PTK2B: variants seen among roughly 807,000 people sequenced by gnomAD.
PTK2B encodes protein-tyrosine kinase 2-beta.
A neutral mutation model predicts 142.9 loss-of-function variants in PTK2B; 71 were observed. The observed-to-expected ratio is 0.50, with a 90% CI of 0.41 to 0.61. The LOEUF (loss-of-function observed/expected upper bound fraction) is 0.61. Among genes scored for constraint, PTK2B ranks in the 20% least tolerant of loss-of-function variants. The pLI is 0.00. For missense variants in PTK2B, 1,105 were observed against 1,320.4 expected, an observed-to-expected ratio of 0.84 and a Z score of 2.53; for synonymous variants, 519 against 503.4, an observed-to-expected ratio of 1.03 and a Z score of -0.42.
chr8:27,430,478 G>GA, intron 7 of PTK2B, 60 bp downstream of exon 7: 1 of 1,600,982 alleles, frequency 6.2e-7, no homozygotes, highest in Non-Finnish European at 8.6e-7. Context: ...GAGTGTAAGG[G>GA]ATGAGGCTGG....
chr8:27,434,642 G>C, intron 13 of PTK2B, 83 bp downstream of exon 13: 1 of 1,433,314 alleles, frequency 7.0e-7, no homozygotes, highest in Non-Finnish European at 9.5e-7. Context: ...TGACATTGCC[G>C]AGGGTTTCCT....
chr8:27,396,759 T>C (rs1276914121), intron 1 of PTK2B, among the ~76,000 whole-genome samples: 1 of 152,234 alleles, frequency 6.6e-6, no homozygotes, highest in Non-Finnish European at 1.5e-5. Context: ...CAAGGTGAAC[T>C]ACAGATTCCT....
intron 1 of PTK2B, chr8:27,312,189 T>G (rs1333587673): frequency 6.6e-6 from 1 of 152,224 alleles, no homozygotes; most frequent in Non-Finnish European, 1.5e-5. Context: ...AGAATACTTT[T>G]CACACGATGC....
chr8:27,423,926 G>A (rs921567112), intron 5 of PTK2B, among the ~76,000 whole-genome samples: 1 of 152,158 alleles, frequency 6.6e-6, no homozygotes, highest in African/African-American at 2.4e-5. Flanking sequence ...TGTGGTCCCT[G>A]CAGCTGCTTA....
chr8:27,374,842 A>G (rs1806572957), intron 1 of PTK2B, among the ~76,000 whole-genome samples: 1 of 152,224 alleles, frequency 6.6e-6, no homozygotes, highest in East Asian at 1.9e-4. Flanking sequence ...CATGCCCTTG[A>G]GAGCTGAGGG....
In PTK2B at chr8:27,454,290, A is replaced by G. The variant is rs751228984; in HGVS notation, c.2732A>G (p.Lys911Arg). 8 of 1,612,750 alleles carry G rather than the reference A, an allele frequency of 5.0e-6. No individual in the cohort carries two copies. The highest frequency in any genetic ancestry group is 6.8e-6 in the Non-Finnish European group (8 of 1,179,720). Reference protein sequence around the residue: ...LPPEGYVVVVKNVGLTLRKLI... With the variant: ...LPPEGYVVVVRNVGLTLRKLI... ...CCCGAGGGCTACGTGGTGGTGGTGA[A>G]GGTGAGAGCAGGGCTGGGTTGGGGA... The change falls in exon 29 of 31, where the codon AAG (lysine) becomes AGG (arginine). Residue 911 changes from lysine to arginine, a missense_variant and splice_region_variant. Physicochemically the swap from Lys to Arg is conservative, Grantham distance 26. Coordinates refer to ENST00000346049, the MANE Select transcript of PTK2B (RefSeq NM_173176.3).
chr8:27,398,086 G>T (rs760581095), intron 2 of PTK2B, among the ~76,000 whole-genome samples: 6 of 152,258 alleles, frequency 3.9e-5, no homozygotes, highest in Non-Finnish European at 8.8e-5. Context: ...GATACTTGAA[G>T]CTCTGCAAGG....
chr8:27,323,379 T>C (rs961305987), upstream of PTK2B: 3 of 152,244 alleles, frequency 2.0e-5, no homozygotes, highest in Non-Finnish European at 4.4e-5. Context: ...GAAAGGACAT[T>C]TGTTCAAAGG....
At chr8:27,379,128 T>G (rs549866702) in intron 1 of PTK2B, among the ~76,000 whole-genome samples, 1 of 152,298 alleles carries the variant, frequency 6.6e-6, no homozygotes, top group African/African-American at 2.4e-5. Flanking sequence ...TTCTCATTCT[T>G]TTCAGGCTTA....
chr8:27,433,969 G>A, intron 11 of PTK2B, 124 bp from the exon 12 acceptor site: 1 of 1,300,208 alleles, frequency 7.7e-7, no homozygotes, highest in East Asian at 2.3e-5. Context: ...CCCAGGCTAG[G>A]AGAGAATGGA....
intron 1 of PTK2B, among the ~76,000 whole-genome samples, chr8:27,367,957 A>G (rs1349761974): frequency 6.6e-6 from 1 of 152,220 alleles, no homozygotes; most frequent in Non-Finnish European, 1.5e-5. Flanking sequence ...ACAAACATCT[A>G]AACCGTATCA....
intron 23 of PTK2B, 97 bp from the exon 24 acceptor site, chr8:27,445,697 C>G (rs536179888): frequency 6.5e-7 from 1 of 1,542,174 alleles, no homozygotes; most frequent in Non-Finnish European, 8.9e-7. Context: ...CCCTGTGGTG[C>G]TCATGCATAG....
intron 1 of PTK2B, among the ~76,000 whole-genome samples, chr8:27,382,613 T>A (rs1041107255): frequency 1.3e-5 from 2 of 152,150 alleles, no homozygotes; most frequent in Non-Finnish European, 2.9e-5. Context: ...GTTTTTGAAG[T>A]CTTACCTGCA....
chr8:27,444,941 C>G (rs923926975), intron 23 of PTK2B, among the ~76,000 whole-genome samples: 27 of 152,138 alleles, frequency 1.8e-4, no homozygotes, highest in African/African-American at 5.6e-4. Flanking sequence ...TATATTTGTT[C>G]TCAAGGAAAT....
At chr8:27,437,547 T>G (rs1176494340) in intron 17 of PTK2B, 51 bp downstream of exon 17, 42 of 1,434,654 alleles carry the variant, frequency 2.9e-5, no homozygotes, top group Non-Finnish European at 4.0e-5. Context: ...TGGGGGGCAT[T>G]CAGAGCACAG....
intron 1 of PTK2B, among the ~76,000 whole-genome samples, chr8:27,384,962 C>T (rs1362867834): frequency 2.0e-5 from 3 of 152,120 alleles, no homozygotes; most frequent in Non-Finnish European, 4.4e-5. Flanking sequence ...TTAGGTAGGT[C>T]TGTACTCTGA....
chr8:27,360,535 G>T (rs186947217), intron 1 of PTK2B, among the ~76,000 whole-genome samples: 212 of 151,750 alleles, frequency 1.4e-3, no homozygotes, highest in Admixed American at 0.013. Context: ...CCTCCTTCCA[G>T]CCCCGTTCCT....
In PTK2B at chr8:27,381,384, T is replaced by C. The variant is rs74510582; in HGVS notation, c.-37-16164T>C. ...CTATTATAACCACGATTCTGTCTAC[T>C]TCTGTGAGCTCAACTTTTTTAGCTC... On this transcript the variant is annotated intron_variant, in intron 1 of 30. Transcript: ENST00000346049. Among the ~76,000 whole-genome samples the C allele has an allele frequency of 3.5e-4, 53 of 152,348 alleles. No individual in the cohort carries two copies. In the East Asian group the frequency reaches 6.9e-3, roughly 20 times the overall value.
At chr8:27,433,040 T>C (rs369426931) in intron 10 of PTK2B, among the ~76,000 whole-genome samples, 6 of 152,326 alleles carry the variant, frequency 3.9e-5, no homozygotes, top group African/African-American at 1.4e-4. Context: ...TTGGCCAGGC[T>C]GGTCTCAAAC....
Sources: allele counts gnomAD v4.1 joint callset (sites outside exome capture counted in the v4.1 genomes callset), GRCh38; gene constraint gnomAD v4.1.1; transcripts MANE v1.5; gene names NCBI Gene and HGNC (gene_info 2026-07-23, HGNC 2026-07-21).